Variants in ZFAT observed in about 807,000 individuals in gnomAD.
The protein encoded by ZFAT is zinc finger protein ZFAT.
In ZFAT, 64 loss-of-function variants were observed where a neutral mutation model predicts 117.7. That is an observed-to-expected ratio of 0.54 (90% CI 0.44 to 0.67). The LOEUF (loss-of-function observed/expected upper bound fraction) is 0.67, where lower values mean the gene tolerates loss of function less well. Ranked by LOEUF, ZFAT falls within the 30% of genes least tolerant of loss-of-function variation. ZFAT has a pLI of 0.00. For missense variants in ZFAT, 1,433 were observed against 1,584.5 expected (o/e 0.90, Z 1.62); for synonymous variants, 679 against 615.0 (o/e 1.10, Z -1.54).
At chr8:134,608,549 G>A (rs1321236191) in intron 5 of ZFAT, among the ~76,000 whole-genome samples, 180 bp downstream of exon 5, 1 of 152,134 alleles carries the variant, frequency 6.6e-6, no homozygotes, top group Admixed American at 6.5e-5. Flanking sequence ...GAGGCTCAGC[G>A]AGCACACCGA....
rs1449640687 is a variant in ZFAT at position 134,478,922 on chromosome 8, C to T, written c.3493-201G>A. On this transcript the variant is annotated intron_variant, in intron 15 of 15. Coordinates refer to ENST00000377838, the MANE Select transcript of ZFAT (RefSeq NM_020863.4). This position sits in a 1 kb window ranked among gnomAD's most constrained non-coding sequence, Gnocchi z 5.2. ...AATGAGGTTCAGCAATGTAGGGCAA[C>T]GTGGTCAGGGTCCCCAGCCGTGGCA... 2.0e-5 allele frequency among the ~76,000 whole-genome samples: 3 copies of T among 152,198 alleles called. No individual in the cohort carries two copies. The highest frequency in any genetic ancestry group is 4.8e-5 in the African/African-American group (2 of 41,438).
chr8:134,767,528 G>C, the ZFAT span, among the ~76,000 whole-genome samples: 1 of 152,012 alleles, frequency 6.6e-6, no homozygotes, highest in African/African-American at 2.4e-5. Flanking sequence ...ACAGGCTTTA[G>C]GTGTACCTAT....
chr8:134,822,578 A>C, the ZFAT span, among the ~76,000 whole-genome samples: 1,047 of 152,260 alleles, frequency 6.9e-3, 5 homozygotes, highest in Middle Eastern at 0.014. Context: ...TACCCAAGTA[A>C]CTTTGATTAT....
At chr8:134,654,367 G>A (rs2131188693) in intron 2 of ZFAT, among the ~76,000 whole-genome samples, 1 of 152,294 alleles carries the variant, frequency 6.6e-6, no homozygotes, top group Middle Eastern at 3.4e-3. Context: ...GCTTTGATGG[G>A]TTTACCCACA....
intron 5 of ZFAT, among the ~76,000 whole-genome samples, chr8:134,605,527 C>T (rs1239071660): frequency 7.1e-6 from 1 of 141,550 alleles, no homozygotes; most frequent in Non-Finnish European, 1.5e-5. Context: ...GCCCGGGAGA[C>T]AGAGCCACAG....
At chr8:134,619,073 T>C (rs755251547) in intron 3 of ZFAT, among the ~76,000 whole-genome samples, 13 of 152,200 alleles carry the variant, frequency 8.5e-5, no homozygotes, top group Non-Finnish European at 1.8e-4. Flanking sequence ...CAACTTATGA[T>C]GAGTTACATT....
intron 13 of ZFAT, among the ~76,000 whole-genome samples, chr8:134,517,930 C>T (rs1254341456): frequency 6.6e-6 from 1 of 152,176 alleles, no homozygotes; most frequent in Non-Finnish European, 1.5e-5. Flanking sequence ...CAGCATGCTT[C>T]ATTACTGATG....
intron 2 of ZFAT, among the ~76,000 whole-genome samples, chr8:134,644,813 G>A (rs58089063): frequency 3.3e-5 from 5 of 151,392 alleles, no homozygotes; most frequent in Non-Finnish European, 5.9e-5. Flanking sequence ...ACTCGCATGC[G>A]CACATATACA....
At chr8:134,570,746 T>C (rs1405821945) in intron 10 of ZFAT, among the ~76,000 whole-genome samples, 1 of 152,188 alleles carries the variant, frequency 6.6e-6, no homozygotes, top group Non-Finnish European at 1.5e-5. Flanking sequence ...GCCAGTGATA[T>C]GTCGTCATAC....
At chr8:134,540,877 G>A (rs113846820) in intron 11 of ZFAT, among the ~76,000 whole-genome samples, 3 of 152,282 alleles carry the variant, frequency 2.0e-5, no homozygotes, top group African/African-American at 7.2e-5. Context: ...TTGGCCTGTA[G>A]GTATTTGTTC....
At chr8:134,499,827 G>C (rs1261032044) in intron 15 of ZFAT, among the ~76,000 whole-genome samples, 1 of 152,190 alleles carries the variant, frequency 6.6e-6, no homozygotes, top group Non-Finnish European at 1.5e-5. Context: ...TGAAGCAGGA[G>C]GCCACCACAT....
the ZFAT span, among the ~76,000 whole-genome samples, chr8:134,787,488 CTTTGTTCTAT>C: frequency 4.6e-5 from 7 of 152,006 alleles, no homozygotes; most frequent in Admixed American, 4.6e-4. Flanking sequence ...AATTCTGTTA[CTTTGTTCTAT>C]TTTGTTCTAG....
the ZFAT span, among the ~76,000 whole-genome samples, chr8:134,775,105 G>A: frequency 1.3e-5 from 2 of 152,146 alleles, no homozygotes; most frequent in African/African-American, 2.4e-5. Context: ...GTGACAGAGA[G>A]AGACTCCATC....
At chr8:134,637,422 A>C (rs748390592) in intron 3 of ZFAT, 39 bp downstream of exon 3, 2 of 1,581,364 alleles carry the variant, frequency 1.3e-6, no homozygotes, top group East Asian at 2.3e-5. Context: ...ACACCTCTTC[A>C]TAAGAAATTG....
chr8:134,666,208 T>C (rs1206299755), intron 1 of ZFAT, among the ~76,000 whole-genome samples: 1 of 152,086 alleles, frequency 6.6e-6, no homozygotes, highest in Non-Finnish European at 1.5e-5. Context: ...CATCCACCAG[T>C]AATGAGGTGC....
intron 4 of ZFAT, 72 bp downstream of exon 4, chr8:134,610,396 CTG>C: frequency 6.7e-7 from 1 of 1,483,222 alleles, no homozygotes; most frequent in Non-Finnish European, 9.0e-7. Context: ...CTGACTCAGA[CTG>C]TGACATCAGG....
At chr8:134,811,883 C>A in the ZFAT span, among the ~76,000 whole-genome samples, 1 of 152,204 alleles carries the variant, frequency 6.6e-6, no homozygotes, top group Non-Finnish European at 1.5e-5. Flanking sequence ...ACCTATCTTG[C>A]CTGTGATCCT....
intron 7 of ZFAT, chr8:134,599,688 G>C (rs1018745471): frequency 7.0e-6 from 3 of 429,878 alleles, no homozygotes; most frequent in Non-Finnish European, 1.4e-5. Context: ...ACTTTTTGCT[G>C]TCTGTAGCAT....
At chr8:134,572,328 A>G (rs887473649) in intron 10 of ZFAT, among the ~76,000 whole-genome samples, 1 of 152,222 alleles carries the variant, frequency 6.6e-6, no homozygotes, top group African/African-American at 2.4e-5. Context: ...TTTTATGAAC[A>G]TTGTTTTCGT....
Sources: gnomAD v4.1 joint callset for allele counts (sites outside exome capture counted in the v4.1 genomes callset) on GRCh38, gnomAD v4.1.1 for gene constraint, Gnocchi (gnomAD v3.1) non-coding constraint, MANE v1.5 for transcripts, NCBI Gene and HGNC (gene_info 2026-07-23, HGNC 2026-07-21) for gene names.